Variants in EFCAB6 observed in about 807,000 individuals in gnomAD.
EFCAB6 encodes EF-hand calcium binding domain 6, also known as EF-hand calcium-binding domain-containing protein 6.
EFCAB6 carries 156 observed loss-of-function variants against 169.8 expected under a neutral mutation model. The ratio of observed to expected loss-of-function variants is 0.92; its 90% CI spans 0.81 to 1.05. The LOEUF is 1.05. Ranked by LOEUF, EFCAB6 falls within the 50% of genes least tolerant of loss-of-function variation. The pLI is 0.00. For synonymous variants in EFCAB6, 698 were observed against 676.4 expected (o/e 1.03, Z -0.50); for missense variants, 1,800 against 1,829.1 (o/e 0.98, Z 0.29).
At chr22:43,570,677 C>T (rs2049802095) in intron 26 of EFCAB6, among the ~76,000 whole-genome samples, 2 of 151,798 alleles carry the variant, frequency 1.3e-5, no homozygotes, top group South Asian at 4.2e-4. Context: ...GCTTCGATGC[C>T]TTGTTCCTCT....
intron 26 of EFCAB6, among the ~76,000 whole-genome samples, chr22:43,569,674 C>A (rs114025658): frequency 1.7e-4 from 26 of 152,314 alleles, no homozygotes; most frequent in African/African-American, 5.3e-4. Flanking sequence ...GTCTCCAAGG[C>A]CCCCCTGAGA....
chr22:43,531,253 C>T (rs1207774822), intron 30 of EFCAB6, among the ~76,000 whole-genome samples: 1 of 152,162 alleles, frequency 6.6e-6, no homozygotes, highest in Non-Finnish European at 1.5e-5. Context: ...CCCCACTTCA[C>T]AGATTAGGAA....
intron 17 of EFCAB6, among the ~76,000 whole-genome samples, chr22:43,645,587 G>C (rs530757224): frequency 1.4e-4 from 22 of 152,254 alleles, no homozygotes; most frequent in African/African-American, 4.8e-4. Context: ...TGTAACAATT[G>C]CATACCCATA....
intron 9 of EFCAB6, among the ~76,000 whole-genome samples, chr22:43,714,613 T>C (rs536864242): frequency 6.6e-6 from 1 of 151,384 alleles, no homozygotes; most frequent in Admixed American, 6.6e-5. Flanking sequence ...CTCCAGGTTA[T>C]TTTCACAGCA....
chr22:43,648,270 C>T (rs1338735255), intron 17 of EFCAB6, among the ~76,000 whole-genome samples: 1 of 152,114 alleles, frequency 6.6e-6, no homozygotes, highest in Non-Finnish European at 1.5e-5. Context: ...AGAAGCAGAG[C>T]TGAGCTATTC....
At position 43,716,883 on chromosome 22, in the gene EFCAB6, A is replaced by C; in HGVS notation, c.847T>G (p.Ser283Ala). Reference sequence around the variant, plus strand: ...AAGTTCCTCTCAATTTCATCCAAGGAGTAGTTTCTCCAGATATCTTCAGAT... The same window carrying C: ...AAGTTCCTCTCAATTTCATCCAAGGCGTAGTTTCTCCAGATATCTTCAGAT... ...ASSEDIWRNY[S>A]LDEIERNFCL... The change falls in exon 9 of 32, where the codon TCC (serine) becomes GCC (alanine). Residue 283 changes from serine to alanine, a missense_variant. Transcript: ENST00000262726. The C allele has an allele frequency of 6.2e-7, 1 of 1,603,908 alleles. No homozygotes were observed. Among genetic ancestry groups the C allele is most frequent in the Non-Finnish European group, 8.5e-7 (1 of 1,175,640 alleles).
In EFCAB6 at chr22:43,762,177, A is replaced by T. The variant is rs151116284; in HGVS notation, c.440+3128T>A. Among the ~76,000 whole-genome samples the T allele has an allele frequency of 5.7e-3, 874 of 152,278 alleles. 5 individuals are homozygous for T. The highest frequency in any genetic ancestry group is 8.2e-3 in the Non-Finnish European group (558 of 68,012). On this transcript the variant is annotated intron_variant, in intron 5 of 31. Transcript: ENST00000262726. ...AACTTGTAATTACAATTTTCCCCTT[A>T]TTCACTCAGCACCAGTGTTGAAATA...
chr22:43,586,365 T>TTTTTTTTTTTTTTA (rs2051070667), intron 24 of EFCAB6, among the ~76,000 whole-genome samples: 1 of 128,094 alleles, frequency 7.8e-6, no homozygotes, highest in Non-Finnish European at 1.7e-5. Flanking sequence ...TTTTTTTTTT[T>TTTTTTTTTTTTTTA]TGTGACGTGG....
chr22:43,724,136 T>G (rs538859704), intron 8 of EFCAB6, among the ~76,000 whole-genome samples: 1 of 152,316 alleles, frequency 6.6e-6, no homozygotes, highest in South Asian at 2.1e-4. Flanking sequence ...AAAGTAACCA[T>G]GCAGCACCTT....
chr22:43,633,047 G>A (rs1236861579), intron 18 of EFCAB6, among the ~76,000 whole-genome samples: 1 of 152,182 alleles, frequency 6.6e-6, no homozygotes, highest in South Asian at 2.1e-4. Context: ...GAAGGTCCTC[G>A]TGTTTGTTTA....
At chr22:43,751,554 G>A (rs960846689) in intron 6 of EFCAB6, among the ~76,000 whole-genome samples, 3 of 152,206 alleles carry the variant, frequency 2.0e-5, no homozygotes, top group South Asian at 2.1e-4. Context: ...GACCCCACAG[G>A]CAGACAGGGT....
intron 13 of EFCAB6, among the ~76,000 whole-genome samples, 154 bp downstream of exon 13, chr22:43,677,842 G>T (rs547315842): frequency 5.2e-4 from 79 of 151,956 alleles, no homozygotes; most frequent in Admixed American, 2.7e-3. Flanking sequence ...AAATCAAAGT[G>T]CTTAAACACT....
Position 43,537,538 on chromosome 22 carries a change from G to A in EFCAB6, c.3887C>T (p.Ala1296Val), listed in dbSNP as rs780944079. Reference protein sequence around the residue: ...SKSQSHPCTPASTTVIPGTPP... With the variant: ...SKSQSHPCTPVSTTVIPGTPP... ...AGTGCCCGGGATCACGGTGGTGCTC[G>A]CTGGAGTCTAGCAGGGAAGAAAAGA... The change falls in exon 29 of 32, where the codon GCG becomes GTG. Residue 1296 changes from alanine to valine, a missense_variant. By Grantham distance (64) the Ala-to-Val change is moderately conservative. Transcript: ENST00000262726. The surrounding 1 kb of genome is among the most constrained non-coding windows in gnomAD (Gnocchi z 4.3). 3 of 1,612,942 alleles carry A rather than the reference G, an allele frequency of 1.9e-6. No homozygotes were observed. Among genetic ancestry groups the A allele is most frequent in the South Asian group, 2.2e-5 (2 of 90,960 alleles).
In EFCAB6 at chr22:43,782,187, A is replaced by G. The variant is rs1450034471; in HGVS notation, c.132T>C (p.Ser44=). The G allele has an allele frequency of 6.2e-7, 1 of 1,611,096 alleles. No individual in the cohort carries two copies. Among genetic ancestry groups the G allele is most frequent in the East Asian group, 2.2e-5 (1 of 44,870 alleles). ...TTGCTCATGAATACTTACTTGAAGA[A>G]GATCTGAACTTATTTGGGGAACCAT... ...SRNGSPNKFR[S]SSTTAVANPT... is the part of the protein sequence containing the mutation. The change falls in exon 3 of 32, where the codon TCT becomes TCC. Residue 44 remains serine, a synonymous_variant. Coordinates refer to ENST00000262726, the MANE Select transcript of EFCAB6 (RefSeq NM_022785.4).
intron 10 of EFCAB6, among the ~76,000 whole-genome samples, chr22:43,704,287 T>C (rs1002924308): frequency 4.6e-5 from 7 of 151,794 alleles, no homozygotes; most frequent in East Asian, 1.9e-4. Context: ...TCAGAGATGA[T>C]TGAGAAATAA....
rs540062946 is a variant in EFCAB6, at chr22:43,680,506, G to A, written c.1252-2343C>T. Among the ~76,000 whole-genome samples the A allele has an allele frequency of 8.6e-5, 13 of 150,578 alleles. No homozygotes were observed. The East Asian group carries it at 1.4e-3, about 16-fold the overall frequency. ...AAGAAAAAAAAAAGCCAGCTGGGAT[G>A]TTGATAGGGTTTGCACTGAATCTAT... On this transcript the variant is annotated intron_variant, in intron 12 of 31. Transcript: ENST00000262726.
At position 43,741,880 on chromosome 22, in the gene EFCAB6, G is replaced by C. The variant is rs532827632; in HGVS notation, c.508-5887C>G. Among the ~76,000 whole-genome samples, 37 of 152,118 alleles carry C rather than the reference G, an allele frequency of 2.4e-4. 1 individual carries two copies. The South Asian group carries it at 7.7e-3, about 32-fold the overall frequency. ...CTTGGTAACTAGCTCCTTCCCCTGG[G>C]GGCAGGGGAGACCTGGTCCCTGCTC... On this transcript the variant is annotated intron_variant, in intron 6 of 31. Coordinates refer to ENST00000262726, the MANE Select transcript of EFCAB6 (RefSeq NM_022785.4).
intron 26 of EFCAB6, among the ~76,000 whole-genome samples, chr22:43,574,168 G>A (rs2050078632): frequency 6.6e-6 from 1 of 152,092 alleles, no homozygotes; most frequent in Non-Finnish European, 1.5e-5. Context: ...AAAAATAAGG[G>A]AGTGGGTGCA....
intron 9 of EFCAB6, among the ~76,000 whole-genome samples, chr22:43,714,236 G>A (rs1311343699): frequency 3.3e-5 from 5 of 152,058 alleles, no homozygotes; most frequent in Admixed American, 3.3e-4. Context: ...AGAGGAAAGG[G>A]ACAAAAGAAT....
Sources: gnomAD v4.1 joint callset for allele counts (sites outside exome capture counted in the v4.1 genomes callset) on GRCh38, gnomAD v4.1.1 for gene constraint, Gnocchi (gnomAD v3.1) non-coding constraint, MANE v1.5 for transcripts, NCBI Gene and HGNC (gene_info 2026-07-23, HGNC 2026-07-21) for gene names.